The following PRTG variants were observed in gnomAD, a reference collection of about 807,000 sequenced individuals.
PRTG encodes the protein protogenin.
Under a neutral mutation model 122.5 loss-of-function variants are expected in PRTG, and 67 were observed. That is an observed-to-expected ratio of 0.55 (90% CI 0.45 to 0.67). The LOEUF is 0.67. Ranked by LOEUF, PRTG falls within the 30% of genes least tolerant of loss-of-function variation. The pLI is 0.00. For synonymous variants in PRTG, 554 were observed against 501.1 expected (o/e 1.11, Z -1.41); for missense variants, 1,435 against 1,415.4 (o/e 1.01, Z -0.22).
In PRTG at chr15:55,616,418, A is replaced by C. The variant is rs2059142094; in HGVS notation, c.*3594T>G. The C allele has an allele frequency of 6.6e-6, 1 of 152,152 alleles. No individual in the cohort carries two copies. The highest frequency in any genetic ancestry group is 2.4e-5 in the African/African-American group (1 of 41,452). 9.4% of individuals were successfully genotyped at this position (152,152 alleles called of 1,614,324 possible). On this transcript the variant is annotated 3_prime_UTR_variant, in exon 20 of 20. Transcript: ENST00000389286. ...GTCTGAGCTAACCAGGTAATGCTTAAAGCAGGAAGAGAACTATACAGGCTA... is the reference window on the plus strand; with the variant it reads ...GTCTGAGCTAACCAGGTAATGCTTACAGCAGGAAGAGAACTATACAGGCTA...
chr15:55,693,302 C>T (rs548334254), intron 2 of PRTG, among the ~76,000 whole-genome samples: 4 of 152,084 alleles, frequency 2.6e-5, no homozygotes, highest in African/African-American at 7.2e-5. Flanking sequence ...ACTAAAAACA[C>T]GAAATCAGCC....
At position 55,625,687 on chromosome 15, in the gene PRTG, G is replaced by A. The variant is rs553743694; in HGVS notation, c.2928-1180C>T. ...CGCCCAGGCTGGAGTGCAGTGGCAC[G>A]ATCTCGGCTCACTGCAAGCTCCCCC... is the stretch of plus-strand genomic sequence containing the variant. On this transcript the variant is annotated intron_variant, in intron 17 of 19. Transcript: ENST00000389286. Among the ~76,000 whole-genome samples, 700 of 140,366 alleles carry A rather than the reference G, an allele frequency of 5.0e-3. 3 individuals carry two copies. Among genetic ancestry groups the A allele is most frequent in the Non-Finnish European group, 7.0e-3 (432 of 61,892 alleles). 92.1% of individuals were successfully genotyped at this position (140,366 alleles called of 152,430 possible).
intron 2 of PRTG, among the ~76,000 whole-genome samples, chr15:55,692,375 A>T (rs1432362456): frequency 6.6e-6 from 1 of 152,180 alleles, no homozygotes; most frequent in Non-Finnish European, 1.5e-5. Flanking sequence ...CGCACAAAAG[A>T]GACACTGTAC....
At position 55,612,696 on chromosome 15, in the gene PRTG, CAATATATATA is replaced by C. The variant is rs1284717950; in HGVS notation, c.*7306_*7315del. The C allele has an allele frequency of 7.4e-4, 67 of 90,590 alleles. 1 individual carries two copies. The highest frequency in any genetic ancestry group is 3.0e-3 in the African/African-American group (52 of 17,378). 5.6% of individuals were successfully genotyped at this position (90,590 alleles called of 1,614,324 possible). Reference sequence around the variant, plus strand: ...ATTCTCTCTTTAACTCTTTAAAAGCCAATATATATATATATATATATATATATATATATAT... The same window carrying C: ...ATTCTCTCTTTAACTCTTTAAAAGCCTATATATATATATATATATATATAT... On this transcript the variant is annotated 3_prime_UTR_variant, in exon 20 of 20. Transcript: ENST00000389286.
Position 55,622,384 on chromosome 15 carries a change from ATTTTTTTTT to A in PRTG, c.3094-1626_3094-1618del, listed in dbSNP as rs35166581. On this transcript the variant is annotated intron_variant, in intron 18 of 19. Coordinates refer to ENST00000389286, the MANE Select transcript of PRTG (RefSeq NM_173814.6). ...AGGCATGCATCATCACACCCAGCTAATTTTTTTTTTTTTTTTTTTGAGACAGTCTCGCTC... is the reference window on the plus strand; with the variant it reads ...AGGCATGCATCATCACACCCAGCTAATTTTTTTTTTGAGACAGTCTCGCTC... 1.6e-4 allele frequency among the ~76,000 whole-genome samples: 17 copies of A among 109,282 alleles called. No homozygotes were observed. The East Asian group carries it at 4.2e-3, about 27-fold the overall frequency. The allele number at this position is 109,282 out of a possible 152,430, so 71.7% of individuals were successfully genotyped here.
intron 2 of PRTG, among the ~76,000 whole-genome samples, chr15:55,708,148 TAAAAAAA>T (rs35216342): frequency 2.7e-4 from 19 of 70,032 alleles, no homozygotes; most frequent in African/African-American, 9.4e-4. Context: ...AGTAAGCTGG[TAAAAAAA>T]AAAAAAAAAA....
chr15:55,656,589 G>C (rs986201572), intron 11 of PRTG, among the ~76,000 whole-genome samples: 2 of 152,068 alleles, frequency 1.3e-5, no homozygotes, highest in Admixed American at 6.6e-5. Context: ...CTCACAGCAA[G>C]CTCTGCCTCC....
intron 2 of PRTG, among the ~76,000 whole-genome samples, chr15:55,712,999 C>T (rs1386661293): frequency 6.6e-6 from 1 of 152,108 alleles, no homozygotes. Context: ...TAATAAATAG[C>T]ACTTCGCAAT....
chr15:55,728,294 T>C (rs1266389342), intron 2 of PRTG, among the ~76,000 whole-genome samples: 1 of 152,168 alleles, frequency 6.6e-6, no homozygotes, highest in Non-Finnish European at 1.5e-5. Context: ...TACTCCACTA[T>C]CAAAGCCAGA....
chr15:55,724,095 A>C (rs2030938255), intron 2 of PRTG, among the ~76,000 whole-genome samples: 1 of 152,172 alleles, frequency 6.6e-6, no homozygotes, highest in African/African-American at 2.4e-5. Flanking sequence ...TTGTGGCCCA[A>C]CATGTGTTCT....
intron 2 of PRTG, among the ~76,000 whole-genome samples, chr15:55,693,440 G>A (rs1729260094): frequency 2.0e-5 from 3 of 149,760 alleles, no homozygotes; most frequent in East Asian, 2.0e-4. Flanking sequence ...TGGGCAACAA[G>A]AGTATAACTC....
chr15:55,733,136 G>A (rs1334998545), intron 2 of PRTG, among the ~76,000 whole-genome samples: 1 of 152,000 alleles, frequency 6.6e-6, no homozygotes, highest in Non-Finnish European at 1.5e-5. Context: ...TTGAACCCGG[G>A]AGGCAGAGGT....
chr15:55,694,844 T>C (rs2059623321), intron 2 of PRTG, among the ~76,000 whole-genome samples: 1 of 152,202 alleles, frequency 6.6e-6, no homozygotes, highest in South Asian at 2.1e-4. Flanking sequence ...TTCCGCCAGT[T>C]AGGTATGATT....
In PRTG at chr15:55,678,061, A is replaced by C. The variant is rs2059513586; in HGVS notation, c.1134-17T>G. 4 of 1,477,208 alleles carry C rather than the reference A, an allele frequency of 2.7e-6. No individual in the cohort carries two copies. The South Asian group carries it at 4.8e-5, about 18-fold the overall frequency. The allele number at this position is 1,477,208 out of a possible 1,614,324, so 91.5% of individuals were successfully genotyped here. A position where few individuals can be genotyped will look rare whatever the true frequency, so the allele number is the denominator to read the frequency against. ...ACCAATTTACTAGGGAAAGAAAAAA[A>C]ATTATTTCCATGAAAAATTCTAAGA... On this transcript the variant is annotated splice_polypyrimidine_tract_variant and intron_variant, in intron 7 of 19. Transcript: ENST00000389286.
intron 2 of PRTG, among the ~76,000 whole-genome samples, chr15:55,718,975 C>T (rs1428044601): frequency 6.6e-6 from 1 of 152,092 alleles, no homozygotes; most frequent in African/African-American, 2.4e-5. Flanking sequence ...AAACTCCTGA[C>T]CTCAGGTACT....
At chr15:55,652,324 T>C (rs2059357319) in intron 11 of PRTG, among the ~76,000 whole-genome samples, 1 of 151,920 alleles carries the variant, frequency 6.6e-6, no homozygotes, top group South Asian at 2.1e-4. Context: ...AATAAGTAGG[T>C]AGGAAATGAT....
intron 2 of PRTG, among the ~76,000 whole-genome samples, chr15:55,716,030 C>T (rs2030584960): frequency 6.6e-6 from 1 of 152,170 alleles, no homozygotes; most frequent in South Asian, 2.1e-4. Context: ...GTATAGTATT[C>T]TCCTTGAAAA....
Position 55,635,026 on chromosome 15 carries a change from C to T in PRTG, c.2623+2144G>A, listed in dbSNP as rs181865036. On this transcript the variant is annotated intron_variant, in intron 15 of 19. Transcript: ENST00000389286. ...GCTTGTGAAAGCTTTGTATGTGGGG[C>T]TTCCTCTCTTCTCTTCCTGACTGGG... 4.0e-5 allele frequency among the ~76,000 whole-genome samples: 6 copies of T among 150,842 alleles called. No homozygotes were observed. The East Asian group carries it at 1.2e-3, about 29-fold the overall frequency.
At chr15:55,731,953 G>A (rs2031248873) in intron 2 of PRTG, among the ~76,000 whole-genome samples, 1 of 152,174 alleles carries the variant, frequency 6.6e-6, no homozygotes, top group African/African-American at 2.4e-5. Flanking sequence ...AGATGGTATA[G>A]CCTACTACAC....
Sources: allele counts gnomAD v4.1 joint callset (sites outside exome capture counted in the v4.1 genomes callset), GRCh38; gene constraint gnomAD v4.1.1; transcripts MANE v1.5; gene names NCBI Gene and HGNC (gene_info 2026-07-23, HGNC 2026-07-21).